The following PARP15 variants were observed in gnomAD, a reference collection of about 807,000 sequenced individuals.
PARP15 encodes the protein protein mono-ADP-ribosyltransferase PARP15.
Under a neutral mutation model 62.1 loss-of-function variants are expected in PARP15, and 50 were observed. That is an observed-to-expected ratio of 0.81 (90% CI 0.64 to 1.02). The LOEUF is 1.02. PARP15 is among the 50% of genes least tolerant of loss of function. The pLI, the probability that PARP15 is intolerant of heterozygous loss-of-function variation, is 0.00. For synonymous variants in PARP15, 309 were observed against 293.1 expected (o/e 1.05, Z -0.55); for missense variants, 820 against 826.5 (o/e 0.99, Z 0.10).
At chr3:122,612,848 G>A (rs1347660535) in intron 3 of PARP15, among the ~76,000 whole-genome samples, 193 bp from the exon 4 acceptor site, 4 of 152,120 alleles carry the variant, frequency 2.6e-5, no homozygotes, top group South Asian at 2.1e-4. Flanking sequence ...TGTTGGACCC[G>A]CCTCTCCTGA....
At chr3:122,617,429 T>C (rs767773180) in intron 6 of PARP15, among the ~76,000 whole-genome samples, 1 of 152,210 alleles carries the variant, frequency 6.6e-6, no homozygotes, top group Non-Finnish European at 1.5e-5. Context: ...TTAACTGATA[T>C]AAAGGTGGAG....
At chr3:122,594,749 G>A (rs1351358677) in intron 1 of PARP15, 25 of 978,180 alleles carry the variant, frequency 2.6e-5, no homozygotes, top group Non-Finnish European at 2.7e-5. Context: ...ACTTCTAGAT[G>A]TCAACACATT....
chr3:122,625,893 C>G (rs1406636910), intron 8 of PARP15, among the ~76,000 whole-genome samples: 1 of 152,228 alleles, frequency 6.6e-6, no homozygotes, highest in Non-Finnish European at 1.5e-5. Flanking sequence ...GACATAAACT[C>G]AGCTCTTCTG....
At chr3:122,635,665 A>G in intron 11 of PARP15, 146 bp from the exon 12 acceptor site, 10 of 863,216 alleles carry the variant, frequency 1.2e-5, no homozygotes, top group Non-Finnish European at 1.6e-5. Flanking sequence ...CTCTTGCCTC[A>G]GCCTCCCAAA....
chr3:122,623,803 A>G (rs113592890), intron 8 of PARP15, among the ~76,000 whole-genome samples: 8 of 152,296 alleles, frequency 5.3e-5, no homozygotes, highest in African/African-American at 1.9e-4. Flanking sequence ...GCCTTCAGAG[A>G]TGCTCATGGA....
intron 1 of PARP15, among the ~76,000 whole-genome samples, chr3:122,593,435 C>G (rs1251099354): frequency 1.3e-5 from 2 of 152,120 alleles, no homozygotes; most frequent in Non-Finnish European, 2.9e-5. Flanking sequence ...AGCCACTGCG[C>G]CTGGCCAATT....
chr3:122,591,895 A>G (rs552987625), intron 1 of PARP15, among the ~76,000 whole-genome samples: 41 of 152,296 alleles, frequency 2.7e-4, no homozygotes, highest in African/African-American at 9.6e-4. Flanking sequence ...ATGAGATACC[A>G]TCTCACGCCA....
chr3:122,608,169 C>T (rs192570003), intron 2 of PARP15, among the ~76,000 whole-genome samples: 12 of 150,080 alleles, frequency 8.0e-5, no homozygotes, highest in African/African-American at 2.7e-4. Flanking sequence ...GGACTACTTT[C>T]TGATCTTTCA....
intron 1 of PARP15, among the ~76,000 whole-genome samples, chr3:122,580,368 C>G (rs2080778533): frequency 6.6e-6 from 1 of 152,060 alleles, no homozygotes; most frequent in Admixed American, 6.6e-5. Context: ...ATTATTTCCT[C>G]TTGATGAATT....
rs1396534023 is a variant in PARP15, at chr3:122,613,112, C to G, written c.615C>G (p.Pro205=). The change falls in exon 4 of 12, where the codon CCC becomes CCG. Residue 205 remains proline (P), a synonymous_variant. Coordinates refer to ENST00000464300, the MANE Select transcript of PARP15 (RefSeq NM_001113523.3). ...EVLSFSSITF[P]MIGTGSLQFP... The stretch of plus-strand genomic sequence containing the variant: ...TATCTTTCTCATCAATCACATTTCC[C>G]ATGATTGGAACAGGAAGTTTGCAGT... The G allele has an allele frequency of 6.4e-7, 1 of 1,551,774 alleles. No homozygotes were observed. Among genetic ancestry groups the G allele is most frequent in the Admixed American group, 2.0e-5 (1 of 51,008 alleles).
intron 1 of PARP15, among the ~76,000 whole-genome samples, chr3:122,601,036 G>GTTTTTTTTTTGTTTTTTTTTT (rs1934748778): frequency 4.1e-5 from 3 of 73,034 alleles, no homozygotes; most frequent in African/African-American, 2.5e-4. Context: ...GTCTTTTATG[G>GTTTTTTTTTTGTTTTTTTTTT]TTTTTTTTTT....
intron 1 of PARP15, among the ~76,000 whole-genome samples, chr3:122,592,842 C>T (rs561819954): frequency 1.3e-5 from 2 of 152,066 alleles, no homozygotes; most frequent in Non-Finnish European, 2.9e-5. Context: ...GATTCAAATC[C>T]CAGGCAACCC....
chr3:122,616,532 A>G (rs185509332), intron 5 of PARP15, among the ~76,000 whole-genome samples: 1 of 152,130 alleles, frequency 6.6e-6, no homozygotes, highest in East Asian at 1.9e-4. Flanking sequence ...CGGTTTCACC[A>G]TGTTGACCAA....
intron 7 of PARP15, among the ~76,000 whole-genome samples, chr3:122,620,390 CTGTT>C (rs948430962): frequency 2.0e-5 from 3 of 152,150 alleles, no homozygotes; most frequent in African/African-American, 7.2e-5. Flanking sequence ...TGATTATAAA[CTGTT>C]TGTCCTTCAA....
chr3:122,635,248 C>T (rs972800807), intron 11 of PARP15, 54 bp downstream of exon 11: 4 of 1,530,254 alleles, frequency 2.6e-6, no homozygotes, highest in Non-Finnish European at 3.6e-6. Flanking sequence ...TAGTCTCAGA[C>T]TTTTCATACC....
Position 122,632,105 on chromosome 3 carries a change from G to C in PARP15, c.1458G>C (p.Trp486Cys). 6.2e-7 allele frequency: 1 copy of C among 1,613,982 alleles called. No homozygotes were observed. The highest frequency in any genetic ancestry group is 8.5e-7 in the Non-Finnish European group (1 of 1,179,948). Residue 486 changes from tryptophan (W) to cysteine (C), a missense_variant, in exon 10 of 12, where the codon TGG becomes TGC. Transcript: ENST00000464300. Reference sequence around the variant, plus strand: ...TTCCAGGTAATCTTCCTGAACACTGGACTGACATGAATCATCAGCTGTTTT... The same window carrying C: ...TTCCAGGTAATCTTCCTGAACACTGCACTGACATGAATCATCAGCTGTTTT... ...SMTTCNLPEH[W>C]TDMNHQLFCM...
intron 1 of PARP15, among the ~76,000 whole-genome samples, chr3:122,589,957 CT>C (rs1933757743): frequency 6.9e-6 from 1 of 144,892 alleles, no homozygotes; most frequent in Non-Finnish European, 1.5e-5. Flanking sequence ...ACAATCTTGG[CT>C]CACTGCAAGC....
At chr3:122,589,888 C>CTT (rs34826853) in intron 1 of PARP15, among the ~76,000 whole-genome samples, 24 of 102,044 alleles carry the variant, frequency 2.4e-4, no homozygotes, top group African/African-American at 4.9e-4. Flanking sequence ...TAAGGCATAA[C>CTT]TTTTTTTTTT....
At chr3:122,579,008 T>A (rs2080743376) in intron 1 of PARP15, among the ~76,000 whole-genome samples, 1 of 152,222 alleles carries the variant, frequency 6.6e-6, no homozygotes, top group East Asian at 1.9e-4. Context: ...TAGAATAACT[T>A]TTAAAAACAA....
Sources: gnomAD v4.1 joint callset for allele counts (sites outside exome capture counted in the v4.1 genomes callset) on GRCh38, gnomAD v4.1.1 for gene constraint, MANE v1.5 for transcripts, NCBI Gene and HGNC (gene_info 2026-07-23, HGNC 2026-07-21) for gene names.